Variants in FAM118A observed in about 807,000 individuals in gnomAD.
FAM118A encodes the protein protein FAM118A.
A neutral mutation model predicts 38.2 loss-of-function variants in FAM118A; 25 were observed. The observed-to-expected ratio is 0.65, with a 90% CI of 0.48 to 0.91. The LOEUF (loss-of-function observed/expected upper bound fraction) is 0.91. Ranked by LOEUF, FAM118A falls within the 40% of genes least tolerant of loss-of-function variation. The probability of loss-of-function intolerance (pLI) is 0.00; values close to 1 mark genes in which losing one functional copy is unlikely to be tolerated. For synonymous variants in FAM118A, 178 were observed against 184.1 expected (o/e 0.97, Z 0.27); for missense variants, 425 against 463.3 (o/e 0.92, Z 0.76).
At chr22:45,315,644 C>T (rs113147122) in intron 1 of FAM118A, among the ~76,000 whole-genome samples, 3 of 150,902 alleles carry the variant, frequency 2.0e-5, no homozygotes, top group Non-Finnish European at 2.9e-5. Context: ...CTGGGGGAAA[C>T]AGGTTTAGAG....
intron 3 of FAM118A, among the ~76,000 whole-genome samples, 167 bp from the exon 4 acceptor site, chr22:45,327,675 G>A (rs1398941781): frequency 2.0e-5 from 3 of 152,228 alleles, no homozygotes; most frequent in South Asian, 2.1e-4. Context: ...CGTGCTACAC[G>A]TGAGCATCCC....
At chr22:45,336,250 G>C in intron 7 of FAM118A, 78 bp from the exon 8 acceptor site, 2 of 1,176,856 alleles carry the variant, frequency 1.7e-6, no homozygotes, top group African/African-American at 1.5e-5. Flanking sequence ...CAGTGCTTCA[G>C]TAAGGTCACA....
intron 3 of FAM118A, among the ~76,000 whole-genome samples, chr22:45,325,417 G>C (rs545964126): frequency 6.6e-6 from 1 of 152,094 alleles, no homozygotes; most frequent in African/African-American, 2.4e-5. Context: ...GGGCTTGCAA[G>C]TGTATTGGGG....
chr22:45,312,062 CTG>C (rs2084392489), intron 1 of FAM118A, among the ~76,000 whole-genome samples: 1 of 152,084 alleles, frequency 6.6e-6, no homozygotes, highest in African/African-American at 2.4e-5. Context: ...TGAAGAGAAC[CTG>C]TGTGTGGAAA....
At chr22:45,333,962 G>A (rs1368744680) in intron 6 of FAM118A, among the ~76,000 whole-genome samples, 1 of 152,198 alleles carries the variant, frequency 6.6e-6, no homozygotes, top group Non-Finnish European at 1.5e-5. Flanking sequence ...AGCTTTATCA[G>A]TTGTGATACT....
intron 3 of FAM118A, among the ~76,000 whole-genome samples, chr22:45,326,925 A>G (rs2085316291): frequency 6.7e-6 from 1 of 150,274 alleles, no homozygotes; most frequent in South Asian, 2.1e-4. Context: ...TTGGAGGATC[A>G]CTTGAGCCTG....
rs1209418004 is a variant in FAM118A at position 45,323,357 on chromosome 22, T to A, written c.230T>A (p.Phe77Tyr). Residue 77 changes from phenylalanine to tyrosine, a missense_variant, in exon 3 of 9, where the codon TTC becomes TAC. Physicochemically the swap from Phe to Tyr is conservative, Grantham distance 22. Coordinates refer to ENST00000441876, the MANE Select transcript of FAM118A (RefSeq NM_017911.4). ...CTGCACCCCGGAGACGTCGCCGAGT[T>A]CCGGAGGAAAGTGACAAAGGACCGG... ...EVLHPGDVAE[F>Y]RRKVTKDRDL... 6 of 1,614,088 alleles carry A rather than the reference T, an allele frequency of 3.7e-6. No individual in the cohort carries two copies. Among genetic ancestry groups the A allele is most frequent in the Non-Finnish European group, 5.1e-6 (6 of 1,180,018 alleles).
At chr22:45,318,640 G>A (rs770301580) in intron 1 of FAM118A, 1 of 152,180 alleles carries the variant, frequency 6.6e-6, no homozygotes, top group Non-Finnish European at 1.5e-5. Flanking sequence ...CAGGAAATGA[G>A]GTAATGTCTT....
rs562901439 is a variant in FAM118A at position 45,312,743 on chromosome 22, G to A, written c.-10+2560G>A. On this transcript the variant is annotated intron_variant, in intron 1 of 8. Coordinates refer to ENST00000441876, the MANE Select transcript of FAM118A (RefSeq NM_017911.4). ...TTACTGGTTTGTTATGAAAGATATC[G>A]CAAAGGACACAGATGAGAAGATGCG... 1.8e-4 allele frequency among the ~76,000 whole-genome samples: 28 copies of A among 152,240 alleles called. 1 individual carries two copies. The South Asian group carries it at 2.7e-3, about 15-fold the overall frequency.
chr22:45,309,108 G>A (rs2084270197), upstream of FAM118A: 1 of 152,246 alleles, frequency 6.6e-6, no homozygotes, highest in South Asian at 2.1e-4. Flanking sequence ...CACCCTTTAC[G>A]GACGCGGCAC....
Position 45,322,394 on chromosome 22 carries a change from A to C in FAM118A, c.15A>C (p.Glu5Asp). MDSV[E>D]KTTNRSEQKS... ...AGAATTCACAGATGGATTCAGTGGAAAAGACAACAAATAGAAGTGAACAAA... is the reference window on the plus strand; with the variant it reads ...AGAATTCACAGATGGATTCAGTGGACAAGACAACAAATAGAAGTGAACAAA... The change falls in exon 2 of 9, where the codon GAA becomes GAC. Residue 5 changes from glutamate (E) to aspartate (D), a missense_variant. Glu to Asp is a conservative substitution (Grantham distance 45). Coordinates refer to ENST00000441876, the MANE Select transcript of FAM118A (RefSeq NM_017911.4). 1.9e-6 allele frequency: 3 copies of C among 1,611,276 alleles called. No homozygotes were observed. Among genetic ancestry groups the C allele is most frequent in the Non-Finnish European group, 2.5e-6 (3 of 1,179,344 alleles).
chr22:45,336,200 G>C (rs1231221822), intron 7 of FAM118A, 128 bp from the exon 8 acceptor site: 1 of 634,666 alleles, frequency 1.6e-6, no homozygotes, highest in African/African-American at 1.9e-5. Flanking sequence ...GCCGTAGCGT[G>C]GTTGATGTCA....
intron 1 of FAM118A, among the ~76,000 whole-genome samples, chr22:45,312,203 CT>C (rs1393787897): frequency 6.6e-6 from 1 of 152,212 alleles, no homozygotes; most frequent in Non-Finnish European, 1.5e-5. Context: ...GAGACACCAA[CT>C]GGGTATCTTC....
chr22:45,324,726 C>T (rs1317528957), intron 3 of FAM118A, among the ~76,000 whole-genome samples: 1 of 152,200 alleles, frequency 6.6e-6, no homozygotes, highest in African/African-American at 2.4e-5. Context: ...GGAACAGAGA[C>T]TTTCTGGCCC....
At chr22:45,327,021 A>G (rs1166922216) in intron 3 of FAM118A, among the ~76,000 whole-genome samples, 1 of 150,942 alleles carries the variant, frequency 6.6e-6, no homozygotes, top group Admixed American at 6.6e-5. Context: ...CTCAAAAAAT[A>G]AAATAATAAA....
intron 1 of FAM118A, among the ~76,000 whole-genome samples, chr22:45,315,409 TTAAG>T (rs1414656102): frequency 8.5e-5 from 13 of 152,314 alleles, no homozygotes; most frequent in Admixed American, 5.9e-4. Context: ...ATGGCTGAGA[TTAAG>T]TTTTACCAGA....
intron 8 of FAM118A, among the ~76,000 whole-genome samples, chr22:45,336,917 T>C (rs1211438004): frequency 6.6e-6 from 1 of 152,228 alleles, no homozygotes; most frequent in Non-Finnish European, 1.5e-5. Context: ...CATTTGAGCT[T>C]TGTTGCCTCT....
At chr22:45,314,322 A>G (rs2084508971) in intron 1 of FAM118A, among the ~76,000 whole-genome samples, 1 of 152,106 alleles carries the variant, frequency 6.6e-6, no homozygotes, top group Non-Finnish European at 1.5e-5. Context: ...GCCTAATGGC[A>G]ACTCTTTCAA....
At chr22:45,316,908 G>A (rs543217137) in intron 1 of FAM118A, among the ~76,000 whole-genome samples, 12 of 152,238 alleles carry the variant, frequency 7.9e-5, no homozygotes, top group Admixed American at 2.6e-4. Context: ...GTGAGCATTC[G>A]GAAACTTTGC....
Sources: gnomAD v4.1 joint callset for allele counts (sites outside exome capture counted in the v4.1 genomes callset) on GRCh38, gnomAD v4.1.1 for gene constraint, MANE v1.5 for transcripts, NCBI Gene and HGNC (gene_info 2026-07-23, HGNC 2026-07-21) for gene names.